The following TMCO5A variants were observed in gnomAD, a reference collection of about 807,000 sequenced individuals.
The protein encoded by TMCO5A is transmembrane and coiled-coil domain-containing protein 5A.
In TMCO5A, 34 loss-of-function variants were observed where a neutral mutation model predicts 42.3. That is an observed-to-expected ratio of 0.80 (90% CI 0.61 to 1.07). TMCO5A has a LOEUF of 1.07. Among genes scored for constraint, TMCO5A ranks in the 50% least tolerant of loss-of-function variants. The pLI, the probability that TMCO5A is intolerant of heterozygous loss-of-function variation, is 0.00. For missense variants in TMCO5A, 357 were observed against 327.9 expected, an observed-to-expected ratio of 1.09 and a Z score of -0.69; for synonymous variants, 131 against 115.6, an observed-to-expected ratio of 1.13 and a Z score of -0.86.
chr15:37,992,703 G>C, the TMCO5A span, among the ~76,000 whole-genome samples: 2 of 152,138 alleles, frequency 1.3e-5, no homozygotes, highest in Admixed American at 6.6e-5. Context: ...GAAGGAACAT[G>C]GATGGAGTTA....
chr15:37,945,658 T>G (rs529030426), intron 10 of TMCO5A, among the ~76,000 whole-genome samples: 1 of 152,178 alleles, frequency 6.6e-6, no homozygotes, highest in African/African-American at 2.4e-5. Flanking sequence ...GTTTGTTGGC[T>G]GTATGTATGT....
chr15:37,939,115 A>AT (rs1403635329), intron 6 of TMCO5A, among the ~76,000 whole-genome samples: 1 of 151,956 alleles, frequency 6.6e-6, no homozygotes, highest in Non-Finnish European at 1.5e-5. Flanking sequence ...TCGTCATTTG[A>AT]TTTTTTTGAC....
intron 10 of TMCO5A, among the ~76,000 whole-genome samples, chr15:37,945,943 C>T (rs193117945): frequency 1.3e-5 from 2 of 152,222 alleles, no homozygotes; most frequent in Admixed American, 1.3e-4. Context: ...GAAATCTTTG[C>T]CCATGCCTGT....
At chr15:38,035,048 G>A in the TMCO5A span, among the ~76,000 whole-genome samples, 8 of 152,304 alleles carry the variant, frequency 5.3e-5, no homozygotes, top group African/African-American at 9.6e-5. Context: ...GTGGGTCTTT[G>A]TTGGGAGTAT....
At chr15:37,974,413 G>C in the TMCO5A span, among the ~76,000 whole-genome samples, 20 of 152,194 alleles carry the variant, frequency 1.3e-4, no homozygotes, top group African/African-American at 4.8e-4. Context: ...GTAGGCTTTT[G>C]ATTACTGATT....
the TMCO5A span, among the ~76,000 whole-genome samples, chr15:38,024,377 G>C: frequency 5.3e-5 from 8 of 152,004 alleles, no homozygotes; most frequent in Non-Finnish European, 1.2e-4. Flanking sequence ...AAAGTAACAT[G>C]CAAAAAACAA....
intron 10 of TMCO5A, chr15:37,943,891 G>C (rs1889843647): frequency 6.5e-6 from 1 of 154,142 alleles, no homozygotes; most frequent in African/African-American, 2.4e-5. Context: ...TTCAGTGTCT[G>C]TTCATATTTA....
downstream of TMCO5A, among the ~76,000 whole-genome samples, chr15:37,955,582 C>T (rs943043534): frequency 2.0e-5 from 3 of 152,110 alleles, no homozygotes; most frequent in Non-Finnish European, 2.9e-5. Context: ...CAGGAGCACC[C>T]AGATTCATAA....
the TMCO5A span, among the ~76,000 whole-genome samples, chr15:38,038,287 G>A: frequency 6.6e-6 from 1 of 152,144 alleles, no homozygotes; most frequent in Non-Finnish European, 1.5e-5. Context: ...TTCCTATGAT[G>A]GGACGATGGC....
chr15:37,999,684 T>A, the TMCO5A span, among the ~76,000 whole-genome samples: 16 of 152,224 alleles, frequency 1.1e-4, no homozygotes, highest in African/African-American at 3.9e-4. Flanking sequence ...TGGCTTTTAT[T>A]GTATTGAGGT....
chr15:37,936,804 C>T (rs778655945), intron 3 of TMCO5A, 43 bp from the exon 4 acceptor site: 1 of 1,606,804 alleles, frequency 6.2e-7, no homozygotes, highest in Non-Finnish European at 8.5e-7. Flanking sequence ...AGTTCTGAAA[C>T]TGCCAAGCAT....
chr15:38,002,911 T>C, the TMCO5A span, among the ~76,000 whole-genome samples: 10 of 152,262 alleles, frequency 6.6e-5, no homozygotes, highest in Non-Finnish European at 1.2e-4. Flanking sequence ...TTGATGCTTG[T>C]AGATGTTTGT....
chr15:37,961,736 A>T (rs1890432955), intron 11 of TMCO5A, among the ~76,000 whole-genome samples: 1 of 151,996 alleles, frequency 6.6e-6, no homozygotes, highest in Non-Finnish European at 1.5e-5. Context: ...TTTTTCTTGT[A>T]GAGGTCTTTC....
the TMCO5A span, among the ~76,000 whole-genome samples, chr15:37,990,849 T>C: frequency 3.3e-5 from 5 of 152,154 alleles, no homozygotes; most frequent in East Asian, 7.7e-4. Flanking sequence ...GTTATAATAT[T>C]CTCATTTGAA....
chr15:37,980,724 A>C, the TMCO5A span, among the ~76,000 whole-genome samples: 1 of 151,676 alleles, frequency 6.6e-6, no homozygotes, highest in Non-Finnish European at 1.5e-5. Context: ...TGGAACCTGG[A>C]AGTTTGTTCC....
chr15:37,941,571 A>G, intron 7 of TMCO5A, 100 bp from the exon 8 acceptor site: 1 of 894,946 alleles, frequency 1.1e-6, no homozygotes, highest in Non-Finnish European at 1.8e-6. Context: ...AACAATTAGA[A>G]AACCACATTT....
At chr15:37,964,393 G>A (rs1426743120) in intron 11 of TMCO5A, among the ~76,000 whole-genome samples, 5 of 152,116 alleles carry the variant, frequency 3.3e-5, no homozygotes. Context: ...CACAGTATTT[G>A]GGGTGTCTTC....
the TMCO5A span, among the ~76,000 whole-genome samples, chr15:38,010,096 G>C: frequency 6.6e-6 from 1 of 151,640 alleles, no homozygotes; most frequent in African/African-American, 2.4e-5. Flanking sequence ...AGGCAGGTCC[G>C]GGCGCGGTGG....
the TMCO5A span, among the ~76,000 whole-genome samples, chr15:37,976,277 A>G: frequency 6.6e-6 from 1 of 150,734 alleles, no homozygotes; most frequent in African/African-American, 2.4e-5. Context: ...TTTTTCCTTC[A>G]TGTTAGTCTG....
Sources: gnomAD v4.1 joint callset for allele counts (sites outside exome capture counted in the v4.1 genomes callset) on GRCh38, gnomAD v4.1.1 for gene constraint, MANE v1.5 for transcripts, NCBI Gene and HGNC (gene_info 2026-07-23, HGNC 2026-07-21) for gene names.